BACH2: variants seen among roughly 807,000 people sequenced by gnomAD.
The protein encoded by BACH2 is transcription regulator protein BACH2.
In BACH2, 5 loss-of-function variants were observed where a neutral mutation model predicts 61.8. The observed-to-expected ratio is 0.08, with a 90% CI of 0.04 to 0.17. The LOEUF is 0.17. Among genes scored for constraint, BACH2 ranks in the 10% least tolerant of loss-of-function variants. BACH2 has a pLI of 1.00. For missense variants in BACH2, 824 were observed against 1,091.1 expected (o/e 0.76, Z 3.45); for synonymous variants, 446 against 440.1 (o/e 1.01, Z -0.17).
At chr6:89,958,558 T>G (rs949924055) in intron 6 of BACH2, among the ~76,000 whole-genome samples, 1 of 152,228 alleles carries the variant, frequency 6.6e-6, no homozygotes. Context: ...GCTACAAATA[T>G]GAATAAAACA....
intron 6 of BACH2, among the ~76,000 whole-genome samples, chr6:89,996,026 T>C (rs1454975823): frequency 1.3e-5 from 2 of 152,202 alleles, no homozygotes; most frequent in South Asian, 2.1e-4. Context: ...CCCCTGCCCC[T>C]TTTTTTTCCT....
At chr6:90,048,032 A>AAATT (rs1428069777) in intron 5 of BACH2, among the ~76,000 whole-genome samples, 1 of 152,218 alleles carries the variant, frequency 6.6e-6, no homozygotes, top group Non-Finnish European at 1.5e-5. Flanking sequence ...CTGACTTGTG[A>AAATT]CACCTAGAAA....
chr6:90,202,916 C>G (rs1349044356), intron 4 of BACH2, among the ~76,000 whole-genome samples: 1 of 152,176 alleles, frequency 6.6e-6, no homozygotes, highest in African/African-American at 2.4e-5. Flanking sequence ...GAATCCTGTT[C>G]AATTGGCTTC....
At chr6:90,072,672 C>T (rs1421919533) in intron 5 of BACH2, among the ~76,000 whole-genome samples, 2 of 152,164 alleles carry the variant, frequency 1.3e-5, no homozygotes, top group African/African-American at 2.4e-5. Context: ...CACAATGACT[C>T]AAGGCTTTTC....
At chr6:90,105,173 C>T (rs1308516756) in intron 4 of BACH2, among the ~76,000 whole-genome samples, 1 of 152,196 alleles carries the variant, frequency 6.6e-6, no homozygotes, top group Non-Finnish European at 1.5e-5. Context: ...ACACAAGCCC[C>T]ATGTTGCATT....
intron 3 of BACH2, among the ~76,000 whole-genome samples, chr6:90,242,115 A>G (rs1770475359): frequency 6.6e-6 from 1 of 152,180 alleles, no homozygotes; most frequent in Non-Finnish European, 1.5e-5. Flanking sequence ...AACAGTCAAT[A>G]TAGTTTACAT....
intron 7 of BACH2, among the ~76,000 whole-genome samples, chr6:89,944,846 A>G (rs570623746): frequency 3.9e-5 from 6 of 152,330 alleles, no homozygotes; most frequent in African/African-American, 1.4e-4. Context: ...AAAATCTACA[A>G]TTAAGTAGAA....
At chr6:89,982,681 A>G (rs2128363387) in intron 6 of BACH2, among the ~76,000 whole-genome samples, 1 of 152,204 alleles carries the variant, frequency 6.6e-6, no homozygotes, top group Non-Finnish European at 1.5e-5. Flanking sequence ...ATAAAACACG[A>G]TTTTCCTATT....
chr6:90,216,417 G>A (rs1276325353), intron 3 of BACH2, among the ~76,000 whole-genome samples: 1 of 152,156 alleles, frequency 6.6e-6, no homozygotes, highest in Non-Finnish European at 1.5e-5. Flanking sequence ...CTGCTCAGGT[G>A]ACTGAGGGGA....
At chr6:89,972,161 G>A (rs1171193272) in intron 6 of BACH2, among the ~76,000 whole-genome samples, 3 of 152,190 alleles carry the variant, frequency 2.0e-5, no homozygotes, top group Non-Finnish European at 4.4e-5. Flanking sequence ...GCAAGGGGAC[G>A]GGCTGGGAAG....
intron 3 of BACH2, among the ~76,000 whole-genome samples, chr6:90,249,394 T>C (rs1770734684): frequency 6.6e-6 from 1 of 152,142 alleles, no homozygotes; most frequent in African/African-American, 2.4e-5. Context: ...GAAGTAAACT[T>C]TGGCATAAGA....
At chr6:89,959,097 G>GCACGCACACA (rs1491367437) in intron 6 of BACH2, among the ~76,000 whole-genome samples, 5 of 134,484 alleles carry the variant, frequency 3.7e-5, no homozygotes, top group South Asian at 5.3e-4. Context: ...ATGCACAAGT[G>GCACGCACACA]CACACACACA....
At chr6:90,071,174 G>C (rs901280177) in intron 5 of BACH2, among the ~76,000 whole-genome samples, 1 of 152,160 alleles carries the variant, frequency 6.6e-6, no homozygotes, top group Non-Finnish European at 1.5e-5. Flanking sequence ...AAATGTACTG[G>C]TATAATACTC....
Position 90,008,691 on chromosome 6 carries a change from G to A in BACH2, c.154C>T (p.Arg52Trp), listed in dbSNP as rs747200186. ...TCACTGCATGCGGCCAGCACAGCCC[G>A]GTGGGCCCGGAACTCCTTCCTCTCC... ...IVERKEFRAH[R>W]AVLAACSEYF... Residue 52 changes from arginine (R) to tryptophan (W), a missense_variant, in exon 6 of 9, where the codon CGG becomes TGG. Arg to Trp is a moderately radical substitution (Grantham distance 101). Transcript: ENST00000257749. The surrounding 1 kb of genome is among the most constrained non-coding windows in gnomAD (Gnocchi z 4.1). 1 of 1,614,172 alleles carries A rather than the reference G, an allele frequency of 6.2e-7. No homozygotes were observed. The highest frequency in any genetic ancestry group is 8.5e-7 in the Non-Finnish European group (1 of 1,180,022).
At chr6:90,045,852 T>G (rs912581829) in intron 5 of BACH2, among the ~76,000 whole-genome samples, 1 of 152,218 alleles carries the variant, frequency 6.6e-6, no homozygotes, top group Non-Finnish European at 1.5e-5. Flanking sequence ...TTTTGCTTTT[T>G]AATCATGAGG....
At chr6:90,073,929 C>T (rs1428977781) in intron 5 of BACH2, among the ~76,000 whole-genome samples, 1 of 152,024 alleles carries the variant, frequency 6.6e-6, no homozygotes, top group African/African-American at 2.4e-5. Context: ...ATCAATATTA[C>T]TCAAAGAAAA....
chr6:90,130,699 C>T (rs966136466), intron 4 of BACH2, among the ~76,000 whole-genome samples: 2 of 152,204 alleles, frequency 1.3e-5, no homozygotes, highest in African/African-American at 4.8e-5. Flanking sequence ...GCCAGCACCC[C>T]CTGCTTCACC....
intron 4 of BACH2, among the ~76,000 whole-genome samples, chr6:90,089,501 A>C (rs1330174038): frequency 3.3e-5 from 5 of 152,134 alleles, no homozygotes; most frequent in Admixed American, 2.0e-4. Context: ...TGGCCATTGT[A>C]AATAGAAGAG....
intron 4 of BACH2, among the ~76,000 whole-genome samples, chr6:90,163,970 C>CTAAAATTGACACCCTAACATCACAAT (rs1767505146): frequency 6.6e-6 from 1 of 152,080 alleles, no homozygotes; most frequent in African/African-American, 2.4e-5. Context: ...CAGGAAAGAT[C>CTAAAATTGACACCCTAACATCACAAT]TAAAATTGAC....
Sources: gnomAD v4.1 joint callset for allele counts (sites outside exome capture counted in the v4.1 genomes callset) on GRCh38, gnomAD v4.1.1 for gene constraint, Gnocchi (gnomAD v3.1) non-coding constraint, MANE v1.5 for transcripts, NCBI Gene and HGNC (gene_info 2026-07-23, HGNC 2026-07-21) for gene names.